Variants in PCDHGB4 observed in about 807,000 individuals in gnomAD.
The protein encoded by PCDHGB4 is protocadherin gamma subfamily B, 4, also known as protocadherin gamma-B4.
In PCDHGB4, 38 loss-of-function variants were observed where a neutral mutation model predicts 60.5. That is an observed-to-expected ratio of 0.63 (90% CI 0.48 to 0.82). The LOEUF (loss-of-function observed/expected upper bound fraction) is 0.82, where lower values mean the gene tolerates loss of function less well. PCDHGB4 is among the 40% of genes least tolerant of loss of function. The pLI, the probability that PCDHGB4 is intolerant of heterozygous loss-of-function variation, is 0.00. For missense variants in PCDHGB4, 1,109 were observed against 1,209.6 expected (o/e 0.92, Z 1.23); for synonymous variants, 456 against 509.7 (o/e 0.89, Z 1.42).
At chr5:141,410,441 A>C (rs1242063924) in intron 1 of PCDHGB4, 1 of 1,613,828 alleles carries the variant, frequency 6.2e-7, no homozygotes, top group South Asian at 1.1e-5. Flanking sequence ...CAGTGAGGGG[A>C]CTTTGCCTTA....
chr5:141,390,163 C>A lies in PCDHGB4; in HGVS notation c.2279C>A (p.Thr760Lys). Residue 760 changes from threonine to lysine, a missense_variant, in exon 1 of 4, where the codon ACG becomes AAG. Coordinates refer to ENST00000519479, the MANE Select transcript of PCDHGB4 (RefSeq NM_003736.4). ...CTATGTGTTGCACATACAGGAAAGA[C>A]GGAGTTTAATTTCCTAAAATGTAGT... ...YNLCVAHTGK[T>K]EFNFLKCSEQ... 2 of 1,613,992 alleles carry A rather than the reference C, an allele frequency of 1.2e-6. No individual in the cohort carries two copies. The highest frequency in any genetic ancestry group is 1.1e-5 in the South Asian group (1 of 91,074).
chr5:141,477,263 G>A lies in PCDHGB4; in HGVS notation c.2398-17544G>A, dbSNP rs543767777. 1.4e-5 allele frequency: 23 copies of A among 1,614,192 alleles called. No individual in the cohort carries two copies. The highest frequency in any genetic ancestry group is 1.8e-5 in the Non-Finnish European group (21 of 1,180,046). On this transcript the variant is annotated intron_variant, in intron 1 of 3. Transcript: ENST00000519479. The surrounding 1 kb of genome is among the most constrained non-coding windows in gnomAD (Gnocchi z 4.9). The stretch of plus-strand genomic sequence containing the variant: ...CAGTGTGACTGACCTGGATGCTGGC[G>A]AGAACGGGCTGGTGACCTGCGAAGT...
intron 1 of PCDHGB4, chr5:141,409,139 GA>G: frequency 1.9e-6 from 3 of 1,614,012 alleles, no homozygotes; most frequent in Non-Finnish European, 2.5e-6. Context: ...TGAAGATGTA[GA>G]AAGGTACACC....
intron 1 of PCDHGB4, among the ~76,000 whole-genome samples, chr5:141,475,285 A>G (rs2099361212): frequency 6.6e-6 from 1 of 152,244 alleles, no homozygotes; most frequent in Non-Finnish European, 1.5e-5. Context: ...AAGACAGGGT[A>G]GGGAAATTTC....
chr5:141,450,828 TA>T lies in PCDHGB4; in HGVS notation c.2398-43978del, dbSNP rs1427656987. Among the ~76,000 whole-genome samples the T allele has an allele frequency of 7.8e-4, 110 of 141,058 alleles. 1 individual carries two copies. The highest frequency in any genetic ancestry group is 1.8e-3 in the African/African-American group (65 of 36,868). The allele number at this position is 141,058 out of a possible 152,430, so 92.5% of individuals were successfully genotyped here. A position where few individuals can be genotyped will look rare whatever the true frequency, so the allele number is the denominator to read the frequency against. ...TTTATTTATTTAATATTATTATTAT[TA>T]TTTTTTTTTTTTTGAGATGGGGTCT... On this transcript the variant is annotated intron_variant, in intron 1 of 3. Transcript: ENST00000519479.
chr5:141,408,655 A>G (rs778418746), intron 1 of PCDHGB4: 1 of 1,613,928 alleles, frequency 6.2e-7, no homozygotes, highest in African/African-American at 1.3e-5. Flanking sequence ...CTGGTACACG[A>G]CTATCGCTTG....
chr5:141,400,493 A>G, intron 1 of PCDHGB4: 2 of 1,614,014 alleles, frequency 1.2e-6, no homozygotes, highest in South Asian at 2.2e-5. Flanking sequence ...CCACTTTGTA[A>G]TTCCAGCGAG....
intron 1 of PCDHGB4, chr5:141,414,493 GCT>G: frequency 6.2e-7 from 1 of 1,613,950 alleles, no homozygotes; most frequent in Non-Finnish European, 8.5e-7. Context: ...ATCAACGGAA[GCT>G]CACTTTATGC....
At chr5:141,426,621 C>G (rs984316174) in intron 1 of PCDHGB4, 1 of 392,280 alleles carries the variant, frequency 2.5e-6, no homozygotes, top group Non-Finnish European at 5.2e-6. Flanking sequence ...AGAGAATCCT[C>G]TAAATGTTTT....
Position 141,415,384 on chromosome 5 carries a change from A to G in PCDHGB4, c.2397+25103A>G, listed in dbSNP as rs767664633. ...GCTGCAGGCTTCAGGAGGCGGCTTG[A>G]CAGGTGTGTCCGGCTCGCACTTTGT... On this transcript the variant is annotated intron_variant, in intron 1 of 3. Coordinates refer to ENST00000519479, the MANE Select transcript of PCDHGB4 (RefSeq NM_003736.4). 9.3e-6 allele frequency: 15 copies of G among 1,614,156 alleles called. No homozygotes were observed. The East Asian group carries it at 2.2e-4, about 24-fold the overall frequency.
At chr5:141,414,009 T>C in intron 1 of PCDHGB4, 1 of 1,612,964 alleles carries the variant, frequency 6.2e-7, no homozygotes, top group Middle Eastern at 1.7e-4. Context: ...AAGGTGCCAA[T>C]GGAGAAGTGA....
In PCDHGB4 at chr5:141,489,610, C is replaced by A; in HGVS notation, c.2398-5197C>A. 6.2e-7 allele frequency: 1 copy of A among 1,614,090 alleles called. No individual in the cohort carries two copies. Among genetic ancestry groups the A allele is most frequent in the Non-Finnish European group, 8.5e-7 (1 of 1,179,990 alleles). ...GCTAATCCGTGTAGAGGTAGAGATCCTGGATCTCAATGACAACTCTCCTAG... is the reference window on the plus strand; with the variant it reads ...GCTAATCCGTGTAGAGGTAGAGATCATGGATCTCAATGACAACTCTCCTAG... On this transcript the variant is annotated intron_variant, in intron 1 of 3. Transcript: ENST00000519479. The surrounding 1 kb of genome is among the most constrained non-coding windows in gnomAD (Gnocchi z 4.5).
intron 1 of PCDHGB4, chr5:141,403,447 C>G (rs1382965437): frequency 6.2e-7 from 1 of 1,613,924 alleles, no homozygotes; most frequent in Non-Finnish European, 8.5e-7. Context: ...TTGGCGTGAA[C>G]TCCCTCCAGA....
intron 1 of PCDHGB4, chr5:141,408,648 G>A: frequency 2.5e-6 from 4 of 1,613,922 alleles, no homozygotes; most frequent in South Asian, 2.2e-5. Flanking sequence ...GCATCCGCTG[G>A]TACACGACTA....
At chr5:141,422,272 A>G in intron 1 of PCDHGB4, 1 of 1,561,362 alleles carries the variant, frequency 6.4e-7, no homozygotes, top group Non-Finnish European at 8.6e-7. Context: ...TCCAGAAATA[A>G]CTATCACCTC....
rs2096663485 is a variant in PCDHGB4, at chr5:141,422,674, A to G, written c.2397+32393A>G. 3 of 1,606,698 alleles carry G rather than the reference A, an allele frequency of 1.9e-6. No individual in the cohort carries two copies. The East Asian group carries it at 6.7e-5, about 36-fold the overall frequency. On this transcript the variant is annotated intron_variant, in intron 1 of 3. Transcript: ENST00000519479. ...AGTGACCGCCCTCGACCCGGACAGC[A>G]AACAGAATGCCCTGGTCACTTACTC...
In PCDHGB4 at chr5:141,431,339, T is replaced by A. The variant is rs1374646530; in HGVS notation, c.2397+41058T>A. 7.4e-6 allele frequency: 12 copies of A among 1,613,942 alleles called. No homozygotes were observed. In the Admixed American group the frequency reaches 1.2e-4, roughly 16 times the overall value. ...AGCCGACGGTAGTAAGTACCCCGAA[T>A]TGGTGCTGAAACGCGCCCTGGACCG... On this transcript the variant is annotated intron_variant, in intron 1 of 3. Coordinates refer to ENST00000519479, the MANE Select transcript of PCDHGB4 (RefSeq NM_003736.4). This position sits in a 1 kb window ranked among gnomAD's most constrained non-coding sequence, Gnocchi z 4.8.
Position 141,489,161 on chromosome 5 carries a change from A to T in PCDHGB4, c.2398-5646A>T. ...GCTGGAAGGAGACATAAGAGACTTC[A>T]GCTGCTGCATTCCAAGCCCTGGGTC... On this transcript the variant is annotated intron_variant, in intron 1 of 3. Coordinates refer to ENST00000519479, the MANE Select transcript of PCDHGB4 (RefSeq NM_003736.4). The surrounding 1 kb of genome is among the most constrained non-coding windows in gnomAD (Gnocchi z 4.5). 1.9e-6 allele frequency: 2 copies of T among 1,040,278 alleles called. No individual in the cohort carries two copies. The highest frequency in any genetic ancestry group is 2.8e-6 in the Non-Finnish European group (2 of 709,676). 64.4% of individuals were successfully genotyped at this position (1,040,278 alleles called of 1,614,324 possible).
At chr5:141,448,215 C>T (rs927573458) in intron 1 of PCDHGB4, among the ~76,000 whole-genome samples, 5 of 152,046 alleles carry the variant, frequency 3.3e-5, no homozygotes, top group African/African-American at 9.7e-5. Flanking sequence ...TGTGTGTATG[C>T]GAATGTATGT....
Sources: gnomAD v4.1 joint callset for allele counts (sites outside exome capture counted in the v4.1 genomes callset) on GRCh38, gnomAD v4.1.1 for gene constraint, Gnocchi (gnomAD v3.1) non-coding constraint, MANE v1.5 for transcripts, NCBI Gene and HGNC (gene_info 2026-07-23, HGNC 2026-07-21) for gene names.